Variants in TGFB1 observed in about 807,000 individuals in gnomAD.
TGFB1 encodes the protein transforming growth factor beta 1.
In TGFB1, 19 loss-of-function variants were observed where a neutral mutation model predicts 43.8. The observed-to-expected ratio is 0.43, with a 90% CI of 0.30 to 0.64. The LOEUF is 0.64. TGFB1 is among the 30% of genes least tolerant of loss of function. TGFB1 has a pLI of 0.11. For synonymous variants in TGFB1, 221 were observed against 236.3 expected (o/e 0.94, Z 0.60); for missense variants, 445 against 529.8 (o/e 0.84, Z 1.57).
intron 1 of TGFB1, among the ~76,000 whole-genome samples, chr19:41,350,307 C>CTTT (rs55873066): frequency 1.7e-5 from 2 of 119,726 alleles, no homozygotes; most frequent in Non-Finnish European, 3.4e-5. Flanking sequence ...GTTTTCTTTT[C>CTTT]TTTTTTTTTT....
At chr19:41,345,044 C>T (rs150225413) in intron 2 of TGFB1, among the ~76,000 whole-genome samples, 180 bp from the exon 3 acceptor site, 151 of 152,290 alleles carry the variant, frequency 9.9e-4, no homozygotes, top group African/African-American at 3.4e-3. Flanking sequence ...CCAACAGTAC[C>T]CATGAGAGGA....
Position 41,352,570 on chromosome 19 carries a change from C to T in TGFB1, c.355+120G>A. ...CTCCCACCATCACACGTTCCCTTTG[C>T]CCCGGGGTGTCCTCTTCCTCCAGCC... On this transcript the variant is annotated intron_variant, in intron 1 of 6. Transcript: ENST00000221930. 6 of 1,231,052 alleles carry T rather than the reference C, an allele frequency of 4.9e-6. No homozygotes were observed. In the South Asian group the frequency reaches 5.1e-5, roughly 11 times the overall value. The allele number at this position is 1,231,052 out of a possible 1,614,324, so 76.3% of individuals were successfully genotyped here. A position where few individuals can be genotyped will look rare whatever the true frequency, so the allele number is the denominator to read the frequency against.
At chr19:41,341,522 A>C (rs2038055724) in intron 5 of TGFB1, among the ~76,000 whole-genome samples, 1 of 147,566 alleles carries the variant, frequency 6.8e-6, no homozygotes, top group Admixed American at 6.8e-5. Context: ...CAAGACTCCC[A>C]GTTCTTTTTT....
At chr19:41,337,163 G>A (rs541738917) in intron 5 of TGFB1, among the ~76,000 whole-genome samples, 7 of 151,466 alleles carry the variant, frequency 4.6e-5, no homozygotes, top group East Asian at 1.9e-4. Context: ...TTTTTGAGAC[G>A]GGAGTCTCAC....
chr19:41,341,804 T>G (rs572758374), intron 5 of TGFB1, 79 bp downstream of exon 5: 2 of 1,569,280 alleles, frequency 1.3e-6, no homozygotes, highest in African/African-American at 2.7e-5. Flanking sequence ...CAGCCAGGTG[T>G]CCAACCTGGA....
Position 41,331,025 on chromosome 19 carries a change from CGGGGCG to C in TGFB1, c.*21_*26del. The C allele has an allele frequency of 1.3e-6, 1 of 781,396 alleles. No individual in the cohort carries two copies. Among genetic ancestry groups the C allele is most frequent in the Non-Finnish European group, 1.5e-6 (1 of 668,574 alleles). The allele number at this position is 781,396 out of a possible 1,614,324, so 48.4% of individuals were successfully genotyped here. On this transcript the variant is annotated 3_prime_UTR_variant, in exon 7 of 7. Coordinates refer to ENST00000221930, the MANE Select transcript of TGFB1 (RefSeq NM_000660.7). ...CGGGGCGGGGTGGGGCCGGGCCTGC[CGGGGCG>C]GGGCGGGGCGGGGCGGGACCTCAGC... is the stretch of plus-strand genomic sequence containing the variant.
At chr19:41,333,510 G>A (rs2037957972) in intron 5 of TGFB1, among the ~76,000 whole-genome samples, 1 of 152,018 alleles carries the variant, frequency 6.6e-6, no homozygotes, top group African/African-American at 2.4e-5. Context: ...ACTGCATCTG[G>A]CCTATTTATT....
chr19:41,339,974 G>T (rs999458820), intron 5 of TGFB1, among the ~76,000 whole-genome samples: 4 of 152,100 alleles, frequency 2.6e-5, no homozygotes, highest in African/African-American at 9.7e-5. Context: ...TTTAAGCAAG[G>T]GAGGAATAAG....
intron 5 of TGFB1, among the ~76,000 whole-genome samples, chr19:41,338,313 G>A (rs1314528485): frequency 5.9e-5 from 9 of 151,920 alleles, no homozygotes; most frequent in Middle Eastern, 6.8e-3. Flanking sequence ...GGCCAACATG[G>A]TGAAACCCCA....
At chr19:41,351,760 C>A (rs954814536) in intron 1 of TGFB1, among the ~76,000 whole-genome samples, 3 of 151,696 alleles carry the variant, frequency 2.0e-5, no homozygotes, top group African/African-American at 4.9e-5. Context: ...ACTTCCCCTG[C>A]GGCTGGACTC....
At position 41,348,351 on chromosome 19, in the gene TGFB1, C is replaced by T. The variant is rs1044464513; in HGVS notation, c.460G>A (p.Glu154Lys). Residue 154 changes from glutamate (E) to lysine (K), a missense_variant, in exon 2 of 7, where the codon GAG becomes AAG. Transcript: ENST00000221930. ...VPEPVLLSRAELRLLRLKLKV... is the reference protein window; with the variant it reads ...VPEPVLLSRAKLRLLRLKLKV... ...AACTTGAGCCTCAGCAGACGCAGCT[C>T]TGCCCGGGAGAGCAACACGGGTTCA... The T allele has an allele frequency of 5.0e-6, 8 of 1,613,736 alleles. No individual in the cohort carries two copies. The highest frequency in any genetic ancestry group is 1.1e-5 in the South Asian group (1 of 91,070).
chr19:41,340,783 A>G (rs911491759), intron 5 of TGFB1, among the ~76,000 whole-genome samples: 1 of 152,200 alleles, frequency 6.6e-6, no homozygotes, highest in Non-Finnish European at 1.5e-5. Flanking sequence ...ACAATTGGCC[A>G]GTGGTGCAGG....
chr19:41,332,843 T>C (rs940171417), intron 5 of TGFB1, among the ~76,000 whole-genome samples: 3 of 152,214 alleles, frequency 2.0e-5, no homozygotes, highest in African/African-American at 7.2e-5. Flanking sequence ...CATGCCAGCC[T>C]GGACAACAAA....
At position 41,352,705 on chromosome 19, in the gene TGFB1, C is replaced by T; in HGVS notation, c.340G>A (p.Val114Met). Residue 114 changes from valine (V) to methionine (M), a missense_variant, in exon 1 of 7, where the codon GTG becomes ATG. Physicochemically the swap from Val to Met is conservative, Grantham distance 21 (BLOSUM62 1). This residue lies in a region of TGFB1 where 366 missense variants were observed against 428.8 expected (regional missense o/e 0.85). Transcript: ENST00000221930. ...CCGAGCTCACCGTTGTGGGTTTCCA[C>T]CATTAGCACGCGGGTGACCTCCTTG... Reference protein sequence around the residue: ...YAKEVTRVLMVETHNEIYDKF... With the variant: ...YAKEVTRVLMMETHNEIYDKF... 2 of 1,613,572 alleles carry T rather than the reference C, an allele frequency of 1.2e-6. No homozygotes were observed. Among genetic ancestry groups the T allele is most frequent in the East Asian group, 2.2e-5 (1 of 44,822 alleles).
Position 41,332,310 on chromosome 19 carries a change from A to G in TGFB1, c.861-29T>C. On this transcript the variant is annotated intron_variant, in intron 5 of 6. Coordinates refer to ENST00000221930, the MANE Select transcript of TGFB1 (RefSeq NM_000660.7). ...CAGGCAGGAGAGACGCGTCAGGGGC[A>G]GGGAGGGGCTACCACCATAGAAGCC... is the stretch of plus-strand genomic sequence containing the variant. 6 of 1,606,576 alleles carry G rather than the reference A, an allele frequency of 3.7e-6. No homozygotes were observed. The African/African-American group carries it at 8.0e-5, about 21-fold the overall frequency.
chr19:41,350,226 C>T (rs1485976014), intron 1 of TGFB1, among the ~76,000 whole-genome samples: 2 of 152,084 alleles, frequency 1.3e-5, no homozygotes, highest in African/African-American at 4.8e-5. Flanking sequence ...ACTCCCTTCC[C>T]CAGCTGGTTA....
chr19:41,343,139 C>CTT (rs67233828), intron 3 of TGFB1, among the ~76,000 whole-genome samples: 73 of 143,440 alleles, frequency 5.1e-4, no homozygotes, highest in East Asian at 6.2e-4. Context: ...TTTTTCTTTT[C>CTT]TTTTTTTTTT....
At chr19:41,339,667 A>C (rs976900360) in intron 5 of TGFB1, among the ~76,000 whole-genome samples, 3 of 151,712 alleles carry the variant, frequency 2.0e-5, no homozygotes, top group African/African-American at 7.3e-5. Context: ...TACTAAAAAA[A>C]CCAAAAATTA....
At chr19:41,339,067 T>C (rs150761460) in intron 5 of TGFB1, among the ~76,000 whole-genome samples, 8 of 152,058 alleles carry the variant, frequency 5.3e-5, no homozygotes, top group Non-Finnish European at 8.8e-5. Context: ...CCATTTCCTC[T>C]GTTCCTGTCT....
Sources: allele counts gnomAD v4.1 joint callset (sites outside exome capture counted in the v4.1 genomes callset), GRCh38; gene constraint gnomAD v4.1.1; regional missense constraint gnomAD v4.1.1; transcripts MANE v1.5; gene names NCBI Gene and HGNC (gene_info 2026-07-23, HGNC 2026-07-21).